Variants in IL22RA1 observed in about 807,000 individuals in gnomAD.
IL22RA1 encodes interleukin 22 receptor subunit alpha 1.
In IL22RA1, 25 loss-of-function variants were observed where a neutral mutation model predicts 32.8. The observed-to-expected ratio is 0.76, with a 90% CI of 0.55 to 1.06. The LOEUF is 1.06. Ranked by LOEUF, IL22RA1 falls within the 50% of genes least tolerant of loss-of-function variation. IL22RA1 has a pLI of 0.00. For synonymous variants in IL22RA1, 305 were observed against 305.0 expected (o/e 1.00, Z 0.00); for missense variants, 709 against 727.4 (o/e 0.97, Z 0.29).
intron 4 of IL22RA1, among the ~76,000 whole-genome samples, chr1:24,133,991 C>T (rs1042234858): frequency 2.0e-5 from 3 of 152,086 alleles, no homozygotes; most frequent in African/African-American, 4.8e-5. Context: ...CTCTGCAGGA[C>T]TTGTCAGAGC....
At position 24,119,823 on chromosome 1, in the gene IL22RA1, T is replaced by C. The variant is rs1644106995; in HGVS notation, c.*982A>G. The C allele has an allele frequency of 6.6e-6, 1 of 152,272 alleles. No homozygotes were observed. Among genetic ancestry groups the C allele is most frequent in the East Asian group, 1.9e-4 (1 of 5,204 alleles). 9.4% of individuals were successfully genotyped at this position (152,272 alleles called of 1,614,324 possible). A position where few individuals can be genotyped will look rare whatever the true frequency, so the allele number is the denominator to read the frequency against. On this transcript the variant is annotated 3_prime_UTR_variant, in exon 7 of 7. Coordinates refer to ENST00000270800, the MANE Select transcript of IL22RA1 (RefSeq NM_021258.4). ...CCATGTACCAGGCACTATTAAGCAC[T>C]TTAAAGACATGACTTCATTTCATCT... is the stretch of plus-strand genomic sequence containing the variant.
chr1:24,134,807 A>G (rs1644231649), intron 3 of IL22RA1: 1 of 978,288 alleles, frequency 1.0e-6, no homozygotes, highest in Non-Finnish European at 1.2e-6. Flanking sequence ...GCCTAATACT[A>G]TTGATGCAGC....
In IL22RA1 at chr1:24,138,667, G is replaced by C. The variant is rs1557631739; in HGVS notation, c.91C>G (p.Gln31Glu). 6.2e-7 allele frequency: 1 copy of C among 1,614,082 alleles called. No homozygotes were observed. The highest frequency in any genetic ancestry group is 8.5e-7 in the Non-Finnish European group (1 of 1,180,028). The part of the protein sequence containing the change: ...PSDLLQHVKF[Q>E]SSNFENILTW... ...AGGATGTTTTCAAAGTTGCTGGACT[G>C]GAATTTCACGTGCTGGAGCAGATCC... Residue 31 changes from glutamine (Q) to glutamate (E), a missense_variant, in exon 2 of 7, where the codon CAG becomes GAG. By Grantham distance (29) the Gln-to-Glu change is conservative (BLOSUM62 2). Coordinates refer to ENST00000270800, the MANE Select transcript of IL22RA1 (RefSeq NM_021258.4).
chr1:24,121,208 A>G lies in IL22RA1; in HGVS notation c.1322T>C (p.Met441Thr), dbSNP rs569903098. The change falls in exon 7 of 7, where the codon ATG becomes ACG. Residue 441 changes from methionine to threonine, a missense_variant. Transcript: ENST00000270800. Reference sequence around the variant, plus strand: ...CTCCTGCAGAGAAAGGCCACCTAACATGCAGCTTCCAGCTGGTGGCTCTTT... The same window carrying G: ...CTCCTGCAGAGAAAGGCCACCTAACGTGCAGCTTCCAGCTGGTGGCTCTTT... Reference protein sequence around the residue: ...LQKEPPAGSCMLGGLSLQEVT... With the variant: ...LQKEPPAGSCTLGGLSLQEVT... 47 of 1,614,118 alleles carry G rather than the reference A, an allele frequency of 2.9e-5. No homozygotes were observed. The highest frequency in any genetic ancestry group is 3.6e-5 in the Non-Finnish European group (42 of 1,180,052).
At chr1:24,132,908 G>A (rs1435441958) in intron 4 of IL22RA1, among the ~76,000 whole-genome samples, 1 of 151,574 alleles carries the variant, frequency 6.6e-6, no homozygotes, top group Non-Finnish European at 1.5e-5. Context: ...CAGGCCAGTG[G>A]TGGGAGAAAT....
chr1:24,121,422 G>T lies in IL22RA1; in HGVS notation c.1108C>A (p.Pro370Thr). Reference sequence around the variant, plus strand: ...GCGTAGAATGGGAATTGAGCTTCGGGGGTCACCTGAGGTGCATAGGATGGG... The same window carrying T: ...GCGTAGAATGGGAATTGAGCTTCGGTGGTCACCTGAGGTGCATAGGATGGG... ...GPPSYAPQVT[P>T]EAQFPFYAPQ... Residue 370 changes from proline to threonine, a missense_variant, in exon 7 of 7, where the codon CCC becomes ACC. Transcript: ENST00000270800. The T allele has an allele frequency of 6.5e-7, 1 of 1,549,772 alleles. No individual in the cohort carries two copies. The highest frequency in any genetic ancestry group is 8.7e-7 in the Non-Finnish European group (1 of 1,146,270).
chr1:24,127,465 C>T (rs552755802), intron 5 of IL22RA1, among the ~76,000 whole-genome samples: 1 of 152,276 alleles, frequency 6.6e-6, no homozygotes, highest in South Asian at 2.1e-4. Context: ...ATGCACGCCA[C>T]CATACCTAGC....
In IL22RA1 at chr1:24,121,028, G is replaced by C; in HGVS notation, c.1502C>G (p.Ser501Ter). ...CATGGGGTGGCCCTCGATCTGGACT[G>C]AGGAGAGGAGGGGGAGCTGGCCCTT... ...YLKGQLPLLS[S>*]VQIEGHPMSL... Residue 501 changes from serine to a stop codon, truncating the protein, a stop_gained, in exon 7 of 7, where the codon TCA becomes TGA. Coordinates refer to ENST00000270800, the MANE Select transcript of IL22RA1 (RefSeq NM_021258.4). LOFTEE classifies it low-confidence loss of function (END_TRUNC). 2.5e-6 allele frequency: 4 copies of C among 1,614,198 alleles called. No individual in the cohort carries two copies. The highest frequency in any genetic ancestry group is 2.5e-6 in the Non-Finnish European group (3 of 1,180,010).
chr1:24,132,728 C>T (rs967092390), intron 4 of IL22RA1, among the ~76,000 whole-genome samples: 3 of 151,634 alleles, frequency 2.0e-5, no homozygotes, highest in South Asian at 2.1e-4. Flanking sequence ...TGGCCGGGTG[C>T]GGTGGCTCAT....
In IL22RA1 at chr1:24,138,691, C is replaced by T; in HGVS notation, c.67G>A (p.Asp23Asn). Residue 23 changes from aspartate to asparagine, a missense_variant, in exon 2 of 7, where the codon GAT (aspartate) becomes AAT (asparagine). Coordinates refer to ENST00000270800, the MANE Select transcript of IL22RA1 (RefSeq NM_021258.4). ...LAAHAPEDPS[D>N]LLQHVKFQSS... ...TGGAATTTCACGTGCTGGAGCAGAT[C>T]CGAGGGGTCCTCAGGGGCGTGAGCT... 6.2e-7 allele frequency: 1 copy of T among 1,614,134 alleles called. No homozygotes were observed. The highest frequency in any genetic ancestry group is 8.5e-7 in the Non-Finnish European group (1 of 1,180,010).
rs74607819 is a variant in IL22RA1, at chr1:24,126,722, C to T, written c.670+1419G>A. Among the ~76,000 whole-genome samples the T allele has an allele frequency of 4.3e-3, 651 of 152,276 alleles. 2 individuals are homozygous for T. The highest frequency in any genetic ancestry group is 0.014 in the African/African-American group (577 of 41,550). ...TTACCAAATCTATCACATCCACTGCCGTCACCTTCATCCTCTAAACCTGCA... is the reference window on the plus strand; with the variant it reads ...TTACCAAATCTATCACATCCACTGCTGTCACCTTCATCCTCTAAACCTGCA... On this transcript the variant is annotated intron_variant, in intron 5 of 6. Coordinates refer to ENST00000270800, the MANE Select transcript of IL22RA1 (RefSeq NM_021258.4).
chr1:24,130,880 T>G (rs1356333375), intron 4 of IL22RA1, among the ~76,000 whole-genome samples: 1 of 152,158 alleles, frequency 6.6e-6, no homozygotes, highest in Non-Finnish European at 1.5e-5. Context: ...GATTTTTGTA[T>G]TTTTAGTAGA....
At position 24,123,420 on chromosome 1, in the gene IL22RA1, C is replaced by A; in HGVS notation, c.674G>T (p.Arg225Leu). 1.2e-6 allele frequency: 2 copies of A among 1,613,072 alleles called. No homozygotes were observed. Among genetic ancestry groups the A allele is most frequent in the Admixed American group, 3.3e-5 (2 of 59,872 alleles). ...TCCGGAGAAGGAGTAGGTCCATGTC[C>A]GGTCTGGGAAACCAAAGGGGCCAGA... The part of the protein sequence containing the change: ...YMCRVKTLPD[R>L]TWTYSFSGAF... Residue 225 changes from arginine to leucine, a missense_variant, in exon 6 of 7, where the codon CGG becomes CTG. By Grantham distance (102) the Arg-to-Leu change is moderately radical. Coordinates refer to ENST00000270800, the MANE Select transcript of IL22RA1 (RefSeq NM_021258.4).
rs2148574042 is a variant in IL22RA1 at position 24,134,379 on chromosome 1, G to A, written c.363C>T (p.Leu121=). 1 of 1,507,196 alleles carries A rather than the reference G, an allele frequency of 6.6e-7. No individual in the cohort carries two copies. The highest frequency in any genetic ancestry group is 1.4e-5 in the African/African-American group (1 of 70,198). 93.4% of individuals were successfully genotyped at this position (1,507,196 alleles called of 1,614,324 possible). The change falls in exon 4 of 7, where the codon CTC becomes CTT. Residue 121 remains leucine (L), a synonymous_variant. Transcript: ENST00000270800. ...AGATACAGGTCACATCAGGTGGCTTGAGGGTAGCTGGGGATAGGGAGAGAG... is the reference window on the plus strand; with the variant it reads ...AGATACAGGTCACATCAGGTGGCTTAAGGGTAGCTGGGGATAGGGAGAGAG... The part of the protein sequence containing the change: ...DRFSSLQHTT[L]KPPDVTCISK...
intron 5 of IL22RA1, among the ~76,000 whole-genome samples, chr1:24,127,160 G>A (rs190766697): frequency 6.6e-6 from 1 of 152,122 alleles, no homozygotes; most frequent in Admixed American, 6.5e-5. Context: ...ACTCCAGCCT[G>A]AGTGACAGAG....
rs1644119981 is a variant in IL22RA1 at position 24,121,387 on chromosome 1, G to T, written c.1143C>A (p.Ala381=). Residue 381 remains alanine, a synonymous_variant, in exon 7 of 7, where the codon GCC becomes GCA. Coordinates refer to ENST00000270800, the MANE Select transcript of IL22RA1 (RefSeq NM_021258.4). The part of the protein sequence containing the change: ...EAQFPFYAPQ[A]ISKVQPSSYA... ...AGGAGGAAGGCTGGACCTTAGAGATGGCCTGTGGGGCGTAGAATGGGAATT... is the reference window on the plus strand; with the variant it reads ...AGGAGGAAGGCTGGACCTTAGAGATTGCCTGTGGGGCGTAGAATGGGAATT... The T allele has an allele frequency of 1.3e-6, 2 of 1,561,378 alleles. No homozygotes were observed.
chr1:24,121,444 TGGGG>T lies in IL22RA1; in HGVS notation c.1082_1085del (p.Pro361HisfsTer7). The T allele has an allele frequency of 6.5e-7, 1 of 1,546,564 alleles. No homozygotes were observed. Among genetic ancestry groups the T allele is most frequent in the Non-Finnish European group, 8.7e-7 (1 of 1,144,364 alleles). On this transcript the variant is annotated frameshift_variant, in exon 7 of 7. Transcript: ENST00000270800. LOFTEE classifies it low-confidence loss of function (END_TRUNC). Reference sequence around the variant, plus strand: ...CGGGGGTCACCTGAGGTGCATAGGATGGGGGCCCGACCTCAGGGGCAGCGTTTGG... The same window carrying T: ...CGGGGGTCACCTGAGGTGCATAGGATGCCCGACCTCAGGGGCAGCGTTTGG...
chr1:24,130,044 A>G (rs1003724285), intron 4 of IL22RA1, among the ~76,000 whole-genome samples: 5 of 152,202 alleles, frequency 3.3e-5, no homozygotes, highest in Non-Finnish European at 4.4e-5. Context: ...CTAGTAATTT[A>G]TATCTTCTAT....
In IL22RA1 at chr1:24,120,909, C is replaced by T; in HGVS notation, c.1621G>A (p.Asp541Asn). ...TCAGGGGCTGGGCTCTTGGCTTCATCCTTGGGACACACAAGGGACTCCAGC... is the reference window on the plus strand; with the variant it reads ...TCAGGGGCTGGGCTCTTGGCTTCATTCTTGGGACACACAAGGGACTCCAGC... Reference protein sequence around the residue: ...GLLESLVCPKDEAKSPAPETS... With the variant: ...GLLESLVCPKNEAKSPAPETS... The change falls in exon 7 of 7, where the codon GAT becomes AAT. Residue 541 changes from aspartate (D) to asparagine (N), a missense_variant. By Grantham distance (23) the Asp-to-Asn change is conservative. Coordinates refer to ENST00000270800, the MANE Select transcript of IL22RA1 (RefSeq NM_021258.4). 1 of 1,614,184 alleles carries T rather than the reference C, an allele frequency of 6.2e-7. No individual in the cohort carries two copies. The highest frequency in any genetic ancestry group is 1.1e-5 in the South Asian group (1 of 91,078).
Sources: allele counts gnomAD v4.1 joint callset (sites outside exome capture counted in the v4.1 genomes callset), GRCh38; gene constraint gnomAD v4.1.1; transcripts MANE v1.5; gene names NCBI Gene and HGNC (gene_info 2026-07-23, HGNC 2026-07-21).